Variants in PDXDC1 observed in about 807,000 individuals in gnomAD.
The protein encoded by PDXDC1 is pyridoxal-dependent decarboxylase domain-containing protein 1.
Under a neutral mutation model 100.1 loss-of-function variants are expected in PDXDC1, and 42 were observed. The observed-to-expected ratio is 0.42, with a 90% CI of 0.33 to 0.54. PDXDC1 has a LOEUF of 0.54. PDXDC1 is among the 20% of genes least tolerant of loss of function. The pLI, the probability that PDXDC1 is intolerant of heterozygous loss-of-function variation, is 0.10. For missense variants in PDXDC1, 636 were observed against 979.2 expected, an observed-to-expected ratio of 0.65 and a Z score of 4.68; for synonymous variants, 260 against 371.7, an observed-to-expected ratio of 0.70 and a Z score of 3.46.
At position 15,038,285 on chromosome 16, in the gene PDXDC1, C is replaced by CTT; in HGVS notation, c.*2012_*2013dup. On this transcript the variant is annotated 3_prime_UTR_variant, in exon 23 of 23. Transcript: ENST00000396410. Reference sequence around the variant, plus strand: ...TGCTGTGATAAAGATGTCAAAGTATCTTTGTTCTTGGACACAAATATATAT... The same window carrying CTT: ...TGCTGTGATAAAGATGTCAAAGTATCTTTTTGTTCTTGGACACAAATATATAT... 9.3e-7 allele frequency: 1 copy of CTT among 1,069,628 alleles called. No homozygotes were observed. The highest frequency in any genetic ancestry group is 2.3e-5 in the Admixed American group (1 of 42,706). 66.3% of individuals were successfully genotyped at this position (1,069,628 alleles called of 1,614,324 possible).
chr16:14,993,345 A>C (rs984405404), intron 1 of PDXDC1, among the ~76,000 whole-genome samples: 2 of 131,918 alleles, frequency 1.5e-5, no homozygotes, highest in African/African-American at 5.8e-5. Context: ...TCCTGTGTCC[A>C]TGTATTCTCA....
chr16:14,984,496 T>TATATATATATATATATA (rs1491326563), intron 1 of PDXDC1, among the ~76,000 whole-genome samples: 2 of 51,220 alleles, frequency 3.9e-5, no homozygotes, highest in East Asian at 7.7e-4. Context: ...TATATATATA[T>TATATATATATATATATA]TTTTTTTTTT....
intron 16 of PDXDC1, chr16:15,135,671 C>T (rs1221154430): frequency 8.0e-5 from 128 of 1,596,220 alleles, no homozygotes; most frequent in Non-Finnish European, 1.1e-4. Flanking sequence ...CACACAGGCC[C>T]ACTGGAAACT....
intron 16 of PDXDC1, among the ~76,000 whole-genome samples, chr16:15,088,018 G>A (rs1446095852): frequency 6.6e-6 from 1 of 152,080 alleles, no homozygotes; most frequent in Non-Finnish European, 1.5e-5. Context: ...GGAGGCTGAG[G>A]CAGGAGAATT....
downstream of PDXDC1, among the ~76,000 whole-genome samples, chr16:15,142,824 T>A (rs1170705682): frequency 2.0e-5 from 3 of 151,734 alleles, no homozygotes; most frequent in Admixed American, 6.6e-5. Context: ...ACGTTCTGGT[T>A]CCCTGCAAGG....
chr16:15,077,764 C>A (rs1348754386), intron 16 of PDXDC1, among the ~76,000 whole-genome samples: 2 of 152,194 alleles, frequency 1.3e-5, no homozygotes, highest in East Asian at 1.9e-4. Context: ...CTGCTTGAAC[C>A]CCGGAGGTGG....
At chr16:15,032,217 T>G in intron 17 of PDXDC1, 1 of 345,378 alleles carries the variant, frequency 2.9e-6, no homozygotes, top group Non-Finnish European at 5.3e-6. Context: ...ATATAGAGAA[T>G]TGCAAATCAG....
At chr16:15,086,313 T>C in intron 16 of PDXDC1, 1 of 1,606,802 alleles carries the variant, frequency 6.2e-7, no homozygotes, top group Non-Finnish European at 8.5e-7. Flanking sequence ...ACATATACTA[T>C]TACCAAAGTT....
At chr16:15,062,126 G>A (rs1286449767) in intron 16 of PDXDC1, among the ~76,000 whole-genome samples, 1 of 152,198 alleles carries the variant, frequency 6.6e-6, no homozygotes. Context: ...TCCAGCCTGG[G>A]CAACATAGCG....
Position 15,031,869 on chromosome 16 carries a change from G to A in PDXDC1, c.1534G>A (p.Val512Ile), listed in dbSNP as rs1567718376. The A allele has an allele frequency of 3.1e-6, 5 of 1,613,708 alleles. No homozygotes were observed. The highest frequency in any genetic ancestry group is 4.2e-6 in the Non-Finnish European group (5 of 1,179,838). Residue 512 changes from valine to isoleucine, a missense_variant, in exon 17 of 23, where the codon GTT becomes ATT. By Grantham distance (29) the Val-to-Ile change is conservative (BLOSUM62 3). Transcript: ENST00000396410. ...GGAAGCAACAGCAGGTCTCCTATAT[G>A]TTGATGACCCTAACTGGTCTGGAAT... ...EVEATAGLLY[V>I]DDPNWSGIGV...
rs545111679 is a variant in PDXDC1 at position 15,085,316 on chromosome 16, C to T, written c.1400-53563C>T. Among the ~76,000 whole-genome samples the T allele has an allele frequency of 4.2e-5, 5 of 118,828 alleles. No homozygotes were observed. In the South Asian group the frequency reaches 1.2e-3, roughly 29 times the overall value. 78.0% of individuals were successfully genotyped at this position (118,828 alleles called of 152,430 possible). On this transcript the variant is annotated intron_variant, in intron 16 of 16. Coordinates refer to the PDXDC1 transcript ENST00000535621. Reference sequence around the variant, plus strand: ...CTTATTAGAATAGGTGCCAGGTATTCTGTGCTTTACTTTTTTTTTTAAAGA... The same window carrying T: ...CTTATTAGAATAGGTGCCAGGTATTTTGTGCTTTACTTTTTTTTTTAAAGA...
intron 16 of PDXDC1, chr16:15,076,355 C>T (rs1289250450): frequency 5.0e-6 from 3 of 601,876 alleles, no homozygotes; most frequent in African/African-American, 3.7e-5. Context: ...TTCACCAAAC[C>T]CAAATTCAAA....
At chr16:14,990,275 C>G in intron 1 of PDXDC1, 1 of 367,616 alleles carries the variant, frequency 2.7e-6, no homozygotes, top group Non-Finnish European at 3.7e-6. Flanking sequence ...CCCACCCCGG[C>G]CCCCGCCGCA....
At chr16:15,000,931 G>C (rs1317661959) in intron 3 of PDXDC1, among the ~76,000 whole-genome samples, 1 of 149,092 alleles carries the variant, frequency 6.7e-6, no homozygotes, top group Non-Finnish European at 1.5e-5. Flanking sequence ...TTTATATAAT[G>C]TATAGTATAT....
At chr16:14,982,057 G>A (rs1968120392) in intron 1 of PDXDC1, among the ~76,000 whole-genome samples, 1 of 152,370 alleles carries the variant, frequency 6.6e-6, no homozygotes, top group South Asian at 2.1e-4. Context: ...CTTGAACTCT[G>A]TACCTCAGGT....
At chr16:15,058,009 G>A (rs1164506810) in intron 16 of PDXDC1, among the ~76,000 whole-genome samples, 1 of 152,212 alleles carries the variant, frequency 6.6e-6, no homozygotes, top group Non-Finnish European at 1.5e-5. Flanking sequence ...TACAGGCAAT[G>A]AGGAAGCAAT....
chr16:15,014,717 T>C (rs1378044091), intron 8 of PDXDC1, among the ~76,000 whole-genome samples: 2 of 152,290 alleles, frequency 1.3e-5, no homozygotes, highest in Non-Finnish European at 2.9e-5. Context: ...ATCTTTTTAG[T>C]TGGCTTACTG....
intron 13 of PDXDC1, among the ~76,000 whole-genome samples, chr16:15,024,883 CTGTT>C (rs1418111291): frequency 6.6e-5 from 10 of 152,402 alleles, no homozygotes; most frequent in African/African-American, 2.4e-4. Context: ...GAAATCAAAT[CTGTT>C]TGTTTTTTCC....
At chr16:15,049,023 T>C (rs1423608369) in intron 16 of PDXDC1, among the ~76,000 whole-genome samples, 1 of 142,752 alleles carries the variant, frequency 7.0e-6, no homozygotes, top group Non-Finnish European at 1.5e-5. Context: ...CCTCCCAAAG[T>C]GCTGGGAGTA....
Sources: allele counts gnomAD v4.1 joint callset (sites outside exome capture counted in the v4.1 genomes callset), GRCh38; gene constraint gnomAD v4.1.1; transcripts MANE v1.5; gene names NCBI Gene and HGNC (gene_info 2026-07-23, HGNC 2026-07-21).